The following RSPH14 variants were observed in gnomAD, a reference collection of about 807,000 sequenced individuals.
The protein encoded by RSPH14 is radial spoke head 14 homolog.
In RSPH14, 20 loss-of-function variants were observed where a neutral mutation model predicts 26.7. The ratio of observed to expected loss-of-function variants is 0.75; its 90% CI spans 0.53 to 1.09. The LOEUF (loss-of-function observed/expected upper bound fraction) is 1.09. Among genes scored for constraint, RSPH14 ranks in the 50% least tolerant of loss-of-function variants. RSPH14 has a pLI of 0.00. For synonymous variants in RSPH14, 177 were observed against 189.3 expected (o/e 0.93, Z 0.53); for missense variants, 449 against 457.2 (o/e 0.98, Z 0.16).
chr22:23,079,495 C>CCA (rs1415899877), intron 4 of RSPH14, among the ~76,000 whole-genome samples: 10 of 152,252 alleles, frequency 6.6e-5, no homozygotes, highest in African/African-American at 2.4e-4. Context: ...GTCAGAGAGG[C>CCA]CAGGCATTGC....
chr22:23,150,002 G>T (rs2071009894), upstream of RSPH14: 3 of 1,348,430 alleles, frequency 2.2e-6, no homozygotes, highest in Non-Finnish European at 3.1e-6. Context: ...TCACTGCTTG[G>T]CTACGAGGGC....
chr22:23,152,269 G>A, the RSPH14 span, among the ~76,000 whole-genome samples: 1 of 152,190 alleles, frequency 6.6e-6, no homozygotes, highest in African/African-American at 2.4e-5. Flanking sequence ...GGGCAGCAGA[G>A]TCTCCAGCCT....
intron 4 of RSPH14, chr22:23,095,888 G>A (rs17853741): frequency 1.9e-6 from 3 of 1,613,704 alleles, no homozygotes; most frequent in Admixed American, 1.7e-5. Flanking sequence ...CAACCTGGAG[G>A]CCTGCAAGGA....
chr22:23,123,591 A>T (rs987947366), intron 4 of RSPH14: 3 of 603,660 alleles, frequency 5.0e-6, no homozygotes, highest in Non-Finnish European at 8.8e-6. Context: ...TTCTGCAAAC[A>T]TAAATATTTA....
At chr22:23,069,705 C>A (rs917836144) in intron 4 of RSPH14, among the ~76,000 whole-genome samples, 1 of 152,146 alleles carries the variant, frequency 6.6e-6, no homozygotes, top group Non-Finnish European at 1.5e-5. Context: ...AGACACTGGG[C>A]GGTGGCGGCG....
chr22:23,110,477 T>C (rs1402616474), intron 4 of RSPH14, among the ~76,000 whole-genome samples: 1 of 152,156 alleles, frequency 6.6e-6, no homozygotes, highest in African/African-American at 2.4e-5. Context: ...CCCTCTCCCC[T>C]GCCCACTGCC....
chr22:23,063,845 C>G, intron 5 of RSPH14, 57 bp downstream of exon 5: 1 of 1,556,224 alleles, frequency 6.4e-7, no homozygotes, highest in Non-Finnish European at 8.8e-7. Flanking sequence ...CTGGACCAGT[C>G]CAGCTCAGGT....
upstream of RSPH14, among the ~76,000 whole-genome samples, chr22:23,144,080 G>A (rs1180787968): frequency 1.7e-5 from 2 of 115,162 alleles, no homozygotes; most frequent in Admixed American, 2.2e-4. Context: ...GCGACAGAGT[G>A]AGACTCCATC....
In RSPH14 at chr22:23,135,317, C is replaced by CAA. The variant is rs55649510; in HGVS notation, c.303-1175_303-1174dup. 1.1e-3 allele frequency among the ~76,000 whole-genome samples: 91 copies of CAA among 85,866 alleles called. 2 individuals are homozygous for CAA. Among genetic ancestry groups the CAA allele is most frequent in the African/African-American group, 2.6e-3 (57 of 21,926 alleles). 56.3% of individuals were successfully genotyped at this position (85,866 alleles called of 152,430 possible). ...TGAAACCCCGCCTGTACTAAAAATACAAAAAAAAAAAAAAAAAAAAAAAAA... is the reference window on the plus strand; with the variant it reads ...TGAAACCCCGCCTGTACTAAAAATACAAAAAAAAAAAAAAAAAAAAAAAAAAA... On this transcript the variant is annotated intron_variant, in intron 3 of 6. Transcript: ENST00000216036.
At chr22:23,147,070 G>A (rs2070819172), upstream of RSPH14, among the ~76,000 whole-genome samples, 1 of 152,276 alleles carries the variant, frequency 6.6e-6, no homozygotes, top group African/African-American at 2.4e-5. Context: ...GAGCTCCCCT[G>A]CAGTCATAGT....
intron 1 of RSPH14, 110 bp from the exon 2 acceptor site, chr22:23,140,582 T>A: frequency 3.2e-6 from 4 of 1,242,114 alleles, no homozygotes; most frequent in Non-Finnish European, 4.3e-6. Context: ...ACTTTCATTT[T>A]ACAGATGAGC....
chr22:23,091,313 C>A (rs541152957), intron 4 of RSPH14, among the ~76,000 whole-genome samples: 103 of 152,198 alleles, frequency 6.8e-4, no homozygotes, highest in African/African-American at 2.4e-3. Flanking sequence ...TATGCATACA[C>A]GCACACATAC....
At chr22:23,139,424 C>A (rs1481778208) in intron 2 of RSPH14, among the ~76,000 whole-genome samples, 1 of 152,190 alleles carries the variant, frequency 6.6e-6, no homozygotes, top group Non-Finnish European at 1.5e-5. Flanking sequence ...AGTTCAAGAC[C>A]AGCCTGGCCA....
upstream of RSPH14, among the ~76,000 whole-genome samples, chr22:23,147,743 G>C (rs559061698): frequency 1.3e-5 from 2 of 152,212 alleles, no homozygotes; most frequent in Non-Finnish European, 2.9e-5. Flanking sequence ...AAGATACAAC[G>C]TAAACATCCT....
At chr22:23,160,857 C>T in the RSPH14 span, 20 of 1,609,154 alleles carry the variant, frequency 1.2e-5, no homozygotes, top group East Asian at 1.6e-4. Flanking sequence ...GATGAGGTCC[C>T]GGCTGTCTTG....
the RSPH14 span, among the ~76,000 whole-genome samples, chr22:23,165,405 G>A: frequency 6.6e-6 from 1 of 152,178 alleles, no homozygotes. Flanking sequence ...CCCTCACAGG[G>A]CATCAGCCAG....
intron 3 of RSPH14, among the ~76,000 whole-genome samples, chr22:23,137,598 G>T (rs1368364823): frequency 6.6e-6 from 1 of 151,938 alleles, no homozygotes; most frequent in Non-Finnish European, 1.5e-5. Flanking sequence ...ATCCTGAACC[G>T]ATTTGAAGCC....
chr22:23,073,789 C>T (rs1290039310), intron 4 of RSPH14, among the ~76,000 whole-genome samples: 3 of 152,228 alleles, frequency 2.0e-5, no homozygotes, highest in African/African-American at 4.8e-5. Context: ...ATGCCAGGCA[C>T]TGTGCCAGGT....
intron 6 of RSPH14, among the ~76,000 whole-genome samples, chr22:23,061,360 C>T (rs1024234893): frequency 2.0e-5 from 3 of 151,952 alleles, no homozygotes; most frequent in Non-Finnish European, 4.4e-5. Context: ...GTAGGGGGCT[C>T]GGGGGAGATA....
Sources: gnomAD v4.1 joint callset for allele counts (sites outside exome capture counted in the v4.1 genomes callset) on GRCh38, gnomAD v4.1.1 for gene constraint, MANE v1.5 for transcripts, NCBI Gene and HGNC (gene_info 2026-07-23, HGNC 2026-07-21) for gene names.